Variants in TRPM8 observed in about 807,000 individuals in gnomAD.
TRPM8 encodes the protein transient receptor potential cation channel subfamily M member 8.
Under a neutral mutation model 133.7 loss-of-function variants are expected in TRPM8, and 110 were observed. That is an observed-to-expected ratio of 0.82 (90% CI 0.70 to 0.96). TRPM8 has a LOEUF of 0.96. TRPM8 is among the 40% of genes least tolerant of loss of function. TRPM8 has a pLI of 0.00. For synonymous variants in TRPM8, 535 were observed against 532.3 expected (o/e 1.01, Z -0.07); for missense variants, 1,291 against 1,379.5 (o/e 0.94, Z 1.02).
In TRPM8 at chr2:233,961,040, C is replaced by A. The variant is rs200707338; in HGVS notation, c.1627C>A (p.Arg543=). 1.2e-6 allele frequency: 2 copies of A among 1,613,904 alleles called. No individual in the cohort carries two copies. Among genetic ancestry groups the A allele is most frequent in the East Asian group, 2.2e-5 (1 of 44,894 alleles). The change falls in exon 12 of 26, where the codon CGG becomes AGG. Residue 543 remains arginine (R), a synonymous_variant. Transcript: ENST00000324695. The stretch of plus-strand genomic sequence containing the variant: ...CTTCCGGAAGGAAGACAGAAATGGC[C>A]GGGACGAGATGGACATAGAACTCCA... ...RGFRKEDRNG[R]DEMDIELHDV...
At chr2:233,973,068 C>G (rs1034562808) in intron 17 of TRPM8, among the ~76,000 whole-genome samples, 1 of 152,224 alleles carries the variant, frequency 6.6e-6, no homozygotes, top group African/African-American at 2.4e-5. Context: ...CAGTGTTGAA[C>G]AGCAGGATTA....
At position 234,014,553 on chromosome 2, in the gene TRPM8, C is replaced by T; in HGVS notation, c.3265-9C>T. 1 of 1,521,718 alleles carries T rather than the reference C, an allele frequency of 6.6e-7. No individual in the cohort carries two copies. The highest frequency in any genetic ancestry group is 1.4e-5 in the African/African-American group (1 of 69,644). 94.3% of individuals were successfully genotyped at this position (1,521,718 alleles called of 1,614,324 possible). ...CTTAAGATGAGTTCTATTTTTTTCT[C>T]TTTCCAAGCTTAATGATCTCAAGGG... On this transcript the variant is annotated splice_polypyrimidine_tract_variant and intron_variant, in intron 24 of 25. Transcript: ENST00000324695.
At position 233,970,307 on chromosome 2, in the gene TRPM8, A is replaced by T; in HGVS notation, c.2236A>T (p.Ile746Phe). ...CTTCTCCTGGAATGTGGTCTTCTACATCGCCTTCCTCCTGCTGTTTGCCTA... is the reference window on the plus strand; with the variant it reads ...CTTCTCCTGGAATGTGGTCTTCTACTTCGCCTTCCTCCTGCTGTTTGCCTA... The part of the protein sequence containing the change: ...VVFSWNVVFY[I>F]AFLLLFAYVL... Residue 746 changes from isoleucine (I) to phenylalanine (F), a missense_variant, in exon 17 of 26, where the codon ATC (isoleucine) becomes TTC (phenylalanine). Physicochemically the swap from Ile to Phe is conservative, Grantham distance 21. Transcript: ENST00000324695. 3.1e-6 allele frequency: 5 copies of T among 1,614,130 alleles called. No homozygotes were observed. The highest frequency in any genetic ancestry group is 4.2e-6 in the Non-Finnish European group (5 of 1,180,016).
At chr2:233,944,367 C>T (rs566497350) in intron 6 of TRPM8, among the ~76,000 whole-genome samples, 12 of 152,220 alleles carry the variant, frequency 7.9e-5, no homozygotes, top group African/African-American at 2.4e-4. Context: ...ATTATCCCCA[C>T]GGTAGATGCA....
intron 24 of TRPM8, among the ~76,000 whole-genome samples, chr2:234,014,014 A>G (rs1692900582): frequency 6.6e-6 from 1 of 152,158 alleles, no homozygotes; most frequent in Non-Finnish European, 1.5e-5. Context: ...ATTTAAAATG[A>G]CTTCATGTAT....
intron 24 of TRPM8, chr2:234,013,447 A>G (rs1692888126): frequency 6.6e-6 from 1 of 151,978 alleles, no homozygotes; most frequent in Admixed American, 6.6e-5. Flanking sequence ...GCCCCTTCTG[A>G]TCCCTTTCAT....
chr2:233,993,743 A>C (rs1692339169), intron 21 of TRPM8, among the ~76,000 whole-genome samples: 1 of 152,194 alleles, frequency 6.6e-6, no homozygotes, highest in Non-Finnish European at 1.5e-5. Flanking sequence ...TCTCTGAGGA[A>C]GATGGGGGGC....
intron 23 of TRPM8, among the ~76,000 whole-genome samples, chr2:234,007,284 G>A (rs1692719246): frequency 6.6e-6 from 1 of 152,180 alleles, no homozygotes; most frequent in Admixed American, 6.5e-5. Flanking sequence ...GTTCTGGCAA[G>A]ACTCACAGGT....
intron 15 of TRPM8, 49 bp downstream of exon 15, chr2:233,966,804 A>T (rs1282288255): frequency 4.1e-6 from 6 of 1,464,000 alleles, no homozygotes; most frequent in African/African-American, 1.4e-5. Context: ...TGGGGCTTTT[A>T]TGTCAGATGC....
chr2:234,010,321 T>C (rs576597643), intron 24 of TRPM8, among the ~76,000 whole-genome samples: 1 of 152,330 alleles, frequency 6.6e-6, no homozygotes, highest in Non-Finnish European at 1.5e-5. Flanking sequence ...TCTTTCCCCA[T>C]TTTAAGGGTG....
intron 21 of TRPM8, 120 bp downstream of exon 21, chr2:233,985,985 G>A (rs190601820): frequency 1.0e-6 from 1 of 962,820 alleles, no homozygotes; most frequent in East Asian, 2.7e-5. Flanking sequence ...GAGATCTTTT[G>A]GGGGATTGGT....
chr2:233,937,258 T>C, intron 3 of TRPM8, 95 bp from the exon 4 acceptor site: 2 of 1,433,568 alleles, frequency 1.4e-6, no homozygotes, highest in Non-Finnish European at 1.9e-6. Context: ...GACTTGAAGG[T>C]ATCCTTTGTG....
At chr2:233,993,658 A>G (rs2125337445) in intron 21 of TRPM8, among the ~76,000 whole-genome samples, 1 of 152,258 alleles carries the variant, frequency 6.6e-6, no homozygotes, top group African/African-American at 2.4e-5. Context: ...CCCTGACTCC[A>G]AGTGGCCACT....
chr2:233,963,464 A>T, intron 13 of TRPM8, 87 bp downstream of exon 13: 10 of 719,448 alleles, frequency 1.4e-5, no homozygotes, highest in Non-Finnish European at 2.3e-5. Flanking sequence ...CATGCCTAAT[A>T]TAAAACATCA....
At chr2:233,935,594 C>A (rs1042443929) in intron 3 of TRPM8, among the ~76,000 whole-genome samples, 1 of 152,190 alleles carries the variant, frequency 6.6e-6, no homozygotes, top group Non-Finnish European at 1.5e-5. Flanking sequence ...GAGAGCTGTG[C>A]CCTTAGGGCC....
intron 22 of TRPM8, among the ~76,000 whole-genome samples, chr2:233,997,287 G>C (rs755490686): frequency 1.2e-4 from 19 of 152,116 alleles, no homozygotes; most frequent in Non-Finnish European, 2.6e-4. Flanking sequence ...AAAAAAGAAA[G>C]AAAGAAATAG....
Position 233,927,938 on chromosome 2 carries a change from C to T in TRPM8, c.117+1284C>T, listed in dbSNP as rs867482629. Reference sequence around the variant, plus strand: ...TCTCTCTCTCTTTCTCTCTCTCTCTCTCTCTCTCTCTCTCTCTCTCTCTTT... The same window carrying T: ...TCTCTCTCTCTTTCTCTCTCTCTCTTTCTCTCTCTCTCTCTCTCTCTCTTT... On this transcript the variant is annotated intron_variant, in intron 2 of 25. Transcript: ENST00000324695. 3.8e-3 allele frequency among the ~76,000 whole-genome samples: 247 copies of T among 64,206 alleles called. 31 individuals carry two copies. In the East Asian group the frequency reaches 0.052, roughly 14 times the overall value. 42.1% of individuals were successfully genotyped at this position (64,206 alleles called of 152,430 possible). A position where few individuals can be genotyped will look rare whatever the true frequency, so the allele number is the denominator to read the frequency against.
intron 6 of TRPM8, among the ~76,000 whole-genome samples, chr2:233,944,520 T>C (rs1178330026): frequency 6.6e-6 from 1 of 152,156 alleles, no homozygotes; most frequent in Non-Finnish European, 1.5e-5. Flanking sequence ...AAACTTGAAA[T>C]GAATATGTAA....
At chr2:233,934,296 T>TTG (rs1420791392) in intron 3 of TRPM8, among the ~76,000 whole-genome samples, 1 of 152,182 alleles carries the variant, frequency 6.6e-6, no homozygotes, top group African/African-American at 2.4e-5. Flanking sequence ...GTAGCTATGA[T>TTG]TGTGCTGTGG....
Sources: allele counts gnomAD v4.1 joint callset (sites outside exome capture counted in the v4.1 genomes callset), GRCh38; gene constraint gnomAD v4.1.1; transcripts MANE v1.5; gene names NCBI Gene and HGNC (gene_info 2026-07-23, HGNC 2026-07-21).